CGAS: variants seen among roughly 807,000 people sequenced by gnomAD.
CGAS encodes the protein cyclic GMP-AMP synthase, also known as 2'3'-cGAMP synthase.
A neutral mutation model predicts 34.0 loss-of-function variants in CGAS; 31 were observed. That is an observed-to-expected ratio of 0.91 (90% CI 0.69 to 1.23). The LOEUF (loss-of-function observed/expected upper bound fraction) is 1.23, where lower values mean the gene tolerates loss of function less well. Among genes scored for constraint, CGAS ranks in the 50% most tolerant of loss-of-function variants. The pLI is 0.00. For missense variants in CGAS, 597 were observed against 657.6 expected, an observed-to-expected ratio of 0.91 and a Z score of 1.01; for synonymous variants, 266 against 260.0, an observed-to-expected ratio of 1.02 and a Z score of -0.22.
chr6:73,442,404 C>CTTTTT (rs575356584), intron 2 of CGAS, among the ~76,000 whole-genome samples: 17 of 140,748 alleles, frequency 1.2e-4, no homozygotes, highest in African/African-American at 4.0e-4. Context: ...CCAGCCCAAA[C>CTTTTT]TTTTTTTTTT....
At chr6:73,434,988 TA>T (rs1400493511) in intron 3 of CGAS, among the ~76,000 whole-genome samples, 6 of 152,252 alleles carry the variant, frequency 3.9e-5, no homozygotes, top group African/African-American at 1.4e-4. Context: ...AATATTGGTT[TA>T]TTAATTATTA....
At chr6:73,437,711 C>CT (rs1336955999) in intron 3 of CGAS, among the ~76,000 whole-genome samples, 5 of 152,066 alleles carry the variant, frequency 3.3e-5, no homozygotes, top group African/African-American at 1.2e-4. Flanking sequence ...TAAATTATAT[C>CT]CTTGGTAATA....
At chr6:73,443,772 T>C (rs1232040777) in intron 2 of CGAS, among the ~76,000 whole-genome samples, 2 of 152,170 alleles carry the variant, frequency 1.3e-5, no homozygotes, top group Non-Finnish European at 2.9e-5. Flanking sequence ...CAACACAAAT[T>C]GCAGTGAGTG....
chr6:73,444,025 T>A (rs1403012478), intron 2 of CGAS, among the ~76,000 whole-genome samples: 1 of 152,206 alleles, frequency 6.6e-6, no homozygotes, highest in Non-Finnish European at 1.5e-5. Context: ...AGTCTTGCTC[T>A]GTCGCCCAGG....
At position 73,423,809 on chromosome 6, in the gene CGAS, A is replaced by G. The variant is rs1770031824; in HGVS notation, c.*1418T>C. Reference sequence around the variant, plus strand: ...TTTACAATAAACAAAACAATACAAAACAAAAAAACCTTGTTTACTAAAAGA... The same window carrying G: ...TTTACAATAAACAAAACAATACAAAGCAAAAAAACCTTGTTTACTAAAAGA... On this transcript the variant is annotated 3_prime_UTR_variant, in exon 5 of 5. Coordinates refer to ENST00000370315, the MANE Select transcript of CGAS (RefSeq NM_138441.3). 1 of 152,124 alleles carries G rather than the reference A, an allele frequency of 6.6e-6. No individual in the cohort carries two copies. The highest frequency in any genetic ancestry group is 1.5e-5 in the Non-Finnish European group (1 of 68,038). The allele number at this position is 152,124 out of a possible 1,614,324, so 9.4% of individuals were successfully genotyped here.
chr6:73,447,350 C>T (rs1348114101), intron 1 of CGAS, among the ~76,000 whole-genome samples: 1 of 152,000 alleles, frequency 6.6e-6, no homozygotes, highest in Non-Finnish European at 1.5e-5. Flanking sequence ...ATGGAGCAAG[C>T]TTGGCTCACT....
chr6:73,440,237 C>A lies in CGAS; in HGVS notation c.1086G>T (p.Lys362Asn). ...LRLKPFYLVP[K>N]HAKEGNGFQE... ...GGAAACCATTTCCTTCCTTTGCATG[C>A]TTGGGTACAAGGTAAAATGGCTTTA... is the stretch of plus-strand genomic sequence containing the variant. The change falls in exon 3 of 5, where the codon AAG becomes AAT. Residue 362 changes from lysine to asparagine, a missense_variant. Transcript: ENST00000370315. 6.2e-7 allele frequency: 1 copy of A among 1,613,426 alleles called. No homozygotes were observed. Among genetic ancestry groups the A allele is most frequent in the Non-Finnish European group, 8.5e-7 (1 of 1,179,712 alleles).
chr6:73,425,184 T>C lies in CGAS; in HGVS notation c.*43A>G. On this transcript the variant is annotated 3_prime_UTR_variant, in exon 5 of 5. Transcript: ENST00000370315. Reference sequence around the variant, plus strand: ...CAAATTTTTCTTGTATTCTCCAGGATTTAGGGTGACTCTAGTTCTTAGATC... The same window carrying C: ...CAAATTTTTCTTGTATTCTCCAGGACTTAGGGTGACTCTAGTTCTTAGATC... The C allele has an allele frequency of 7.1e-7, 1 of 1,405,660 alleles. No homozygotes were observed. Among genetic ancestry groups the C allele is most frequent in the East Asian group, 2.4e-5 (1 of 41,566 alleles). The allele number at this position is 1,405,660 out of a possible 1,614,324, so 87.1% of individuals were successfully genotyped here. A position where few individuals can be genotyped will look rare whatever the true frequency, so the allele number is the denominator to read the frequency against.
chr6:73,426,349 G>GAAATGATAAA lies in CGAS; in HGVS notation c.1218-772_1218-771insTTTATCATTT, dbSNP rs1554237174. Among the ~76,000 whole-genome samples, 367 of 148,896 alleles carry GAAATGATAAA rather than the reference G, an allele frequency of 2.5e-3. 7 individuals carry two copies. The East Asian group carries it at 0.038, about 15-fold the overall frequency. ...TGAAATAAATGAAATGAAATGAAAT[G>GAAATGATAAA]ATAAAATAAAATAAAATAAAATAAA... On this transcript the variant is annotated intron_variant, in intron 4 of 4. Coordinates refer to ENST00000370315, the MANE Select transcript of CGAS (RefSeq NM_138441.3).
At chr6:73,438,694 C>CAAA (rs67479262) in intron 3 of CGAS, among the ~76,000 whole-genome samples, 4 of 116,814 alleles carry the variant, frequency 3.4e-5, no homozygotes, top group Admixed American at 9.5e-5. Flanking sequence ...GAATCCGTCT[C>CAAA]AAAAAAAAAA....
chr6:73,444,601 G>A (rs890308643), intron 2 of CGAS, among the ~76,000 whole-genome samples: 6 of 152,144 alleles, frequency 3.9e-5, no homozygotes, highest in African/African-American at 7.2e-5. Flanking sequence ...GAGCCACTGC[G>A]CCTGGCACCA....
Position 73,440,249 on chromosome 6 carries a change from G to T in CGAS, c.1074C>A (p.Tyr358Ter). 1 of 1,614,124 alleles carries T rather than the reference G, an allele frequency of 6.2e-7. No homozygotes were observed. The highest frequency in any genetic ancestry group is 8.5e-7 in the Non-Finnish European group (1 of 1,180,032). ...VRKQLRLKPFYLVPKHAKEGN... is the reference protein window; with the variant it reads ...VRKQLRLKPF ...CTTCCTTTGCATGCTTGGGTACAAG[G>T]TAAAATGGCTTTAGTCGTAGTTGCT... Residue 358 changes from tyrosine to a stop codon, truncating the protein, a stop_gained, in exon 3 of 5, where the codon TAC (tyrosine) becomes TAA (stop). Transcript: ENST00000370315. LOFTEE classifies it high-confidence loss of function.
rs746885325 is a variant in CGAS, at chr6:73,425,412, G to A, written c.1384C>T (p.Leu462Phe). Residue 462 changes from leucine to phenylalanine, a missense_variant, in exon 5 of 5, where the codon CTC (leucine) becomes TTC (phenylalanine). By Grantham distance (22) the Leu-to-Phe change is conservative (BLOSUM62 0). This residue lies in a region of CGAS where 271 missense variants were observed against 324.1 expected (regional missense o/e 0.84). Coordinates refer to ENST00000370315, the MANE Select transcript of CGAS (RefSeq NM_138441.3). ...DSQWDRKDLG[L>F]CFDNCVTYFL... is the part of the protein sequence containing the mutation. ...TATGTCACGCAGTTATCAAAGCAGA[G>A]GCCCAGGTCTTTGCGGTCCCACTGA... 2 of 1,614,008 alleles carry A rather than the reference G, an allele frequency of 1.2e-6. No individual in the cohort carries two copies. The highest frequency in any genetic ancestry group is 1.1e-5 in the South Asian group (1 of 91,058).
intron 3 of CGAS, among the ~76,000 whole-genome samples, chr6:73,429,374 T>A (rs1172534098): frequency 2.0e-5 from 3 of 152,182 alleles, no homozygotes; most frequent in Non-Finnish European, 4.4e-5. Context: ...GTATTACCTT[T>A]TATATATTGC....
intron 2 of CGAS, among the ~76,000 whole-genome samples, chr6:73,445,138 T>C (rs1770448203): frequency 6.6e-6 from 1 of 152,084 alleles, no homozygotes; most frequent in Non-Finnish European, 1.5e-5. Context: ...GGAGTCATCA[T>C]CATATAGGTG....
intron 2 of CGAS, among the ~76,000 whole-genome samples, chr6:73,443,385 C>G (rs896494895): frequency 6.6e-6 from 1 of 151,738 alleles, no homozygotes; most frequent in Non-Finnish European, 1.5e-5. Flanking sequence ...ATTACAGGCA[C>G]CCGCCACCAC....
Position 73,429,352 on chromosome 6 carries a change from C to A in CGAS, c.1115-541G>T, listed in dbSNP as rs116619438. Among the ~76,000 whole-genome samples, 388 of 151,964 alleles carry A rather than the reference C, an allele frequency of 2.6e-3. 2 individuals are homozygous for A. The highest frequency in any genetic ancestry group is 8.9e-3 in the African/African-American group (368 of 41,458). ...GGAAGTCACAGTTTAATATAGTTAG[C>A]AATAGTAAGATGTATTACCTTTTAT... On this transcript the variant is annotated intron_variant, in intron 3 of 4. Coordinates refer to ENST00000370315, the MANE Select transcript of CGAS (RefSeq NM_138441.3).
intron 1 of CGAS, 66 bp from the exon 2 acceptor site, chr6:73,445,813 T>C: frequency 8.1e-7 from 1 of 1,231,096 alleles, no homozygotes; most frequent in Non-Finnish European, 1.1e-6. Flanking sequence ...ACTGGAACTT[T>C]TTAAAAAATT....
intron 3 of CGAS, among the ~76,000 whole-genome samples, chr6:73,438,099 C>T (rs1221570689): frequency 6.6e-6 from 1 of 151,928 alleles, no homozygotes; most frequent in African/African-American, 2.4e-5. Context: ...TAAATAAAAA[C>T]AAAAACATAA....
Sources: gnomAD v4.1 joint callset for allele counts (sites outside exome capture counted in the v4.1 genomes callset) on GRCh38, gnomAD v4.1.1 for gene constraint, gnomAD v4.1.1 regional missense constraint, MANE v1.5 for transcripts, NCBI Gene and HGNC (gene_info 2026-07-23, HGNC 2026-07-21) for gene names.